GRM7: variants seen among roughly 807,000 people sequenced by gnomAD.
The protein encoded by GRM7 is glutamate metabotropic receptor 7.
GRM7 carries 35 observed loss-of-function variants against 84.5 expected under a neutral mutation model. The observed-to-expected ratio is 0.41, with a 90% CI of 0.32 to 0.55. GRM7 has a LOEUF of 0.55. GRM7 is among the 20% of genes least tolerant of loss of function. GRM7 has a pLI of 0.19. For missense variants in GRM7, 1,003 were observed against 1,194.6 expected, an observed-to-expected ratio of 0.84 and a Z score of 2.36; for synonymous variants, 487 against 455.1, an observed-to-expected ratio of 1.07 and a Z score of -0.89.
intron 2 of GRM7, among the ~76,000 whole-genome samples, chr3:7,204,493 G>T (rs940696250): frequency 2.0e-5 from 3 of 152,050 alleles, no homozygotes; most frequent in African/African-American, 7.3e-5. Flanking sequence ...TGAGTCCATT[G>T]TGGACAAAGG....
intron 9 of GRM7, among the ~76,000 whole-genome samples, chr3:7,734,145 C>T (rs1034427835): frequency 1.3e-5 from 2 of 149,702 alleles, no homozygotes; most frequent in African/African-American, 2.5e-5. Context: ...AAGTGGATCA[C>T]TATTTTCTCC....
At chr3:6,897,170 C>A (rs533049504) in intron 1 of GRM7, among the ~76,000 whole-genome samples, 2 of 152,244 alleles carry the variant, frequency 1.3e-5, no homozygotes, top group Admixed American at 6.5e-5. Context: ...TGGAAATGAA[C>A]CCTAAAAGTT....
intron 2 of GRM7, among the ~76,000 whole-genome samples, chr3:7,189,651 T>C (rs1277838069): frequency 1.3e-5 from 2 of 152,156 alleles, no homozygotes; most frequent in Non-Finnish European, 2.9e-5. Flanking sequence ...TCTTACATGA[T>C]GGGATAATAG....
At chr3:6,874,991 G>A (rs1695250596) in intron 1 of GRM7, among the ~76,000 whole-genome samples, 3 of 152,100 alleles carry the variant, frequency 2.0e-5, no homozygotes, top group Non-Finnish European at 2.9e-5. Flanking sequence ...TTTATTTGAG[G>A]TCAAGTGTGG....
chr3:6,907,367 T>C (rs79117992), intron 1 of GRM7, among the ~76,000 whole-genome samples: 3 of 152,206 alleles, frequency 2.0e-5, no homozygotes, highest in Non-Finnish European at 1.5e-5. Context: ...TTTGAAAAAG[T>C]ACCGTGGAGA....
chr3:7,270,074 G>A lies in GRM7; in HGVS notation c.737-28610G>A, dbSNP rs564459982. On this transcript the variant is annotated intron_variant, in intron 2 of 9. Coordinates refer to ENST00000357716, the MANE Select transcript of GRM7 (RefSeq NM_000844.4). Reference sequence around the variant, plus strand: ...AGAGTTTCTGACTCAGTAGATGTTGGAGAAAGGCCATAGCATTTACATTTC... The same window carrying A: ...AGAGTTTCTGACTCAGTAGATGTTGAAGAAAGGCCATAGCATTTACATTTC... Among the ~76,000 whole-genome samples the A allele has an allele frequency of 2.6e-5, 4 of 152,328 alleles. No homozygotes were observed. The South Asian group carries it at 6.2e-4, about 24-fold the overall frequency.
At chr3:7,407,039 C>T (rs1438891186) in intron 4 of GRM7, among the ~76,000 whole-genome samples, 1 of 152,162 alleles carries the variant, frequency 6.6e-6, no homozygotes, top group African/African-American at 2.4e-5. Flanking sequence ...AGAAATTCTA[C>T]CAACAACAAT....
At chr3:7,352,060 CACACA>C (rs1559258831) in intron 4 of GRM7, among the ~76,000 whole-genome samples, 4 of 69,486 alleles carry the variant, frequency 5.8e-5, no homozygotes, top group Admixed American at 1.5e-4. Flanking sequence ...ACACACACCA[CACACA>C]CACACACACA....
rs1307245047 is a variant in GRM7, at chr3:7,725,924, G to A, written c.2699-14433G>A. Among the ~76,000 whole-genome samples the A allele has an allele frequency of 2.0e-5, 3 of 152,156 alleles. No individual in the cohort carries two copies. The East Asian group carries it at 5.8e-4, about 29-fold the overall frequency. On this transcript the variant is annotated intron_variant, in intron 9 of 9. Coordinates refer to ENST00000357716, the MANE Select transcript of GRM7 (RefSeq NM_000844.4). ...AAAAATTCCACTCCAACGTTAGGGGGAGAAGTCTCTCATAGGTGTATTCAA... is the reference window on the plus strand; with the variant it reads ...AAAAATTCCACTCCAACGTTAGGGGAAGAAGTCTCTCATAGGTGTATTCAA...
At chr3:7,319,461 T>C (rs1700695303) in intron 4 of GRM7, among the ~76,000 whole-genome samples, 1 of 152,070 alleles carries the variant, frequency 6.6e-6, no homozygotes, top group African/African-American at 2.4e-5. Context: ...CATCATGGTC[T>C]GTATTCATGC....
chr3:7,301,819 A>G (rs1027549455), intron 3 of GRM7, among the ~76,000 whole-genome samples: 3 of 152,180 alleles, frequency 2.0e-5, no homozygotes, highest in Admixed American at 6.5e-5. Flanking sequence ...GATAACCCAT[A>G]ATGTTACGTT....
chr3:7,572,857 TATATATATATATATATATATATAA>T (rs1559411870), intron 7 of GRM7, among the ~76,000 whole-genome samples: 4 of 61,146 alleles, frequency 6.5e-5, no homozygotes, highest in African/African-American at 2.9e-4. Context: ...TATATATATA[TATATATATATATATATATATATAA>T]ATAATCTTTC....
chr3:7,073,724 G>A (rs376248099), intron 1 of GRM7, among the ~76,000 whole-genome samples: 3 of 152,098 alleles, frequency 2.0e-5, no homozygotes, highest in African/African-American at 7.2e-5. Context: ...ATAGAGACCT[G>A]ACTATGTTTA....
intron 2 of GRM7, among the ~76,000 whole-genome samples, chr3:7,284,284 TCG>T (rs1699350708): frequency 2.9e-5 from 2 of 69,262 alleles, no homozygotes; most frequent in East Asian, 1.1e-3. Context: ...GCATGCTCAC[TCG>T]TGTGTGTGTG....
intron 2 of GRM7, among the ~76,000 whole-genome samples, chr3:7,290,015 AAAAT>A (rs1699566226): frequency 6.6e-6 from 1 of 151,174 alleles, no homozygotes; most frequent in Non-Finnish European, 1.5e-5. Context: ...AATAAAAAAT[AAAAT>A]AAAAATAAAA....
intron 1 of GRM7, among the ~76,000 whole-genome samples, chr3:7,127,469 T>G (rs973421345): frequency 1.8e-4 from 28 of 152,164 alleles, no homozygotes; most frequent in Non-Finnish European, 2.9e-5. Context: ...AGCATCCACT[T>G]TTCTGTTTAG....
intron 7 of GRM7, among the ~76,000 whole-genome samples, chr3:7,482,260 A>G (rs886652924): frequency 1.3e-5 from 2 of 152,272 alleles, no homozygotes; most frequent in East Asian, 1.9e-4. Context: ...CAAATCCTAT[A>G]AACCCTGTAA....
intron 4 of GRM7, among the ~76,000 whole-genome samples, chr3:7,375,231 T>G (rs1296984102): frequency 6.0e-5 from 9 of 150,112 alleles, no homozygotes; most frequent in Non-Finnish European, 1.0e-4. Context: ...TTTTTTTTTT[T>G]TTTTGAGATG....
At chr3:7,106,337 C>A (rs1350074958) in intron 1 of GRM7, among the ~76,000 whole-genome samples, 1 of 151,508 alleles carries the variant, frequency 6.6e-6, no homozygotes, top group East Asian at 1.9e-4. Flanking sequence ...TAGTATGCAG[C>A]CTTTTTTTTT....
Sources: allele counts gnomAD v4.1 joint callset (sites outside exome capture counted in the v4.1 genomes callset), GRCh38; gene constraint gnomAD v4.1.1; transcripts MANE v1.5; gene names NCBI Gene and HGNC (gene_info 2026-07-23, HGNC 2026-07-21).